PCLO: variants seen among roughly 807,000 people sequenced by gnomAD.
PCLO encodes protein piccolo.
PCLO carries 82 observed loss-of-function variants against 427.5 expected under a neutral mutation model. That is an observed-to-expected ratio of 0.19 (90% CI 0.16 to 0.23). The LOEUF (loss-of-function observed/expected upper bound fraction) is 0.23. PCLO is among the 10% of genes least tolerant of loss of function. The pLI, the probability that PCLO is intolerant of heterozygous loss-of-function variation, is 1.00. For missense variants in PCLO, 6,239 were observed against 6,115.9 expected (o/e 1.02, Z -0.67); for synonymous variants, 2,357 against 2,155.4 (o/e 1.09, Z -2.59).
intron 3 of PCLO, among the ~76,000 whole-genome samples, chr7:83,004,151 G>A (rs1367744682): frequency 6.6e-6 from 1 of 151,684 alleles, no homozygotes; most frequent in Non-Finnish European, 1.5e-5. Context: ...CACAGAAATG[G>A]AACAAAAATC....
At position 83,155,406 on chromosome 7, in the gene PCLO, G is replaced by T. The variant is rs751022912; in HGVS notation, c.1235C>A (p.Thr412Asn). The change falls in exon 2 of 25, where the codon ACC (threonine) becomes AAC (asparagine). Residue 412 changes from threonine (T) to asparagine (N), a missense_variant. This residue lies in a region of PCLO where 4,677 missense variants were observed against 4,468.4 expected (regional missense o/e 1.05). Transcript: ENST00000333891. Reference sequence around the variant, plus strand: ...GGGTTTTGGTGTCCCCACCTGCTGGGTTGGAGGCTTTGCTGGCCCTGGCTG... The same window carrying T: ...GGGTTTTGGTGTCCCCACCTGCTGGTTTGGAGGCTTTGCTGGCCCTGGCTG... The part of the protein sequence containing the change: ...AQQPGPAKPP[T>N]QQVGTPKPLA... The T allele has an allele frequency of 6.2e-7, 1 of 1,613,914 alleles. No homozygotes were observed. The highest frequency in any genetic ancestry group is 1.7e-5 in the Admixed American group (1 of 60,006).
chr7:82,897,597 C>T (rs1365846702), intron 9 of PCLO, among the ~76,000 whole-genome samples: 1 of 151,354 alleles, frequency 6.6e-6, no homozygotes, highest in Non-Finnish European at 1.5e-5. Flanking sequence ...TCAGGTCCTC[C>T]TACTAAATTG....
intron 15 of PCLO, among the ~76,000 whole-genome samples, chr7:82,837,241 T>C (rs1270078503): frequency 6.6e-6 from 1 of 152,046 alleles, no homozygotes; most frequent in African/African-American, 2.4e-5. Context: ...AGAAACATGA[T>C]TGGTCACTAA....
intron 3 of PCLO, among the ~76,000 whole-genome samples, chr7:83,107,825 C>T (rs75191258): frequency 0.017 from 2,500 of 151,000 alleles, 70 homozygotes; most frequent in African/African-American, 0.056. Context: ...CCCAAGTCTA[C>T]TAAAAACACG....
intron 6 of PCLO, among the ~76,000 whole-genome samples, chr7:82,931,972 A>G (rs1395591509): frequency 6.6e-6 from 1 of 152,150 alleles, no homozygotes; most frequent in Non-Finnish European, 1.5e-5. Flanking sequence ...GCAGAATCAA[A>G]GAGTACTCCT....
chr7:82,943,493 ATACTT>A (rs2116391556), intron 6 of PCLO, among the ~76,000 whole-genome samples: 1 of 151,600 alleles, frequency 6.6e-6, no homozygotes, highest in South Asian at 2.1e-4. Context: ...GAAAACTCTT[ATACTT>A]TAAGATACAT....
intron 7 of PCLO, among the ~76,000 whole-genome samples, chr7:82,912,956 A>G (rs1794358613): frequency 6.6e-6 from 1 of 151,988 alleles, no homozygotes; most frequent in Non-Finnish European, 1.5e-5. Flanking sequence ...GTTATTTTAT[A>G]GACATGACTA....
chr7:83,102,141 T>C (rs971029620), intron 3 of PCLO, among the ~76,000 whole-genome samples: 1 of 151,904 alleles, frequency 6.6e-6, no homozygotes, highest in Non-Finnish European at 1.5e-5. Context: ...CAAATTCATT[T>C]AGTAAATATC....
intron 4 of PCLO, among the ~76,000 whole-genome samples, chr7:82,957,891 T>C (rs1378142494): frequency 1.3e-5 from 2 of 152,218 alleles, no homozygotes; most frequent in Non-Finnish European, 2.9e-5. Context: ...CTTGAACTTG[T>C]TGCCTTTCTT....
At chr7:82,804,429 T>G (rs1791418621) in intron 21 of PCLO, among the ~76,000 whole-genome samples, 1 of 152,320 alleles carries the variant, frequency 6.6e-6, no homozygotes, top group African/African-American at 2.4e-5. Flanking sequence ...TTTTATAAAC[T>G]GAACCATTAT....
At chr7:82,997,840 T>A (rs1430532886) in intron 3 of PCLO, among the ~76,000 whole-genome samples, 1 of 152,066 alleles carries the variant, frequency 6.6e-6, no homozygotes, top group South Asian at 2.1e-4. Context: ...CTATTTCTGT[T>A]ACATCCAAAA....
intron 3 of PCLO, among the ~76,000 whole-genome samples, chr7:83,127,447 A>T (rs913165222): frequency 3.9e-5 from 6 of 152,264 alleles, no homozygotes; most frequent in Admixed American, 6.5e-5. Flanking sequence ...AATAGATAAG[A>T]TATCACTTTC....
chr7:82,958,551 G>T (rs1322789925), intron 4 of PCLO, among the ~76,000 whole-genome samples: 1 of 152,114 alleles, frequency 6.6e-6, no homozygotes, highest in Non-Finnish European at 1.5e-5. Flanking sequence ...TGATTTTGCT[G>T]AATTTACAAT....
chr7:82,954,757 C>T lies in PCLO; in HGVS notation c.6196G>A (p.Glu2066Lys). The change falls in exon 5 of 25, where the codon GAA becomes AAA. Residue 2066 changes from glutamate (E) to lysine (K), a missense_variant. By Grantham distance (56) the Glu-to-Lys change is moderately conservative. Around this residue, in one of 5 missense-constraint regions of PCLO, gnomAD observed 4,677 missense variants for 4,468.4 expected, o/e 1.05. Coordinates refer to ENST00000333891, the MANE Select transcript of PCLO (RefSeq NM_033026.6). ...ATCTGTTGCCTCTTCATAAGTTCTT[C>T]ATAGGCAGCATCAGCATCTAGTAGT... is the stretch of plus-strand genomic sequence containing the variant. Reference protein sequence around the residue: ...RKLLDADAAYEELMKRQQMQL... With the variant: ...RKLLDADAAYKELMKRQQMQL... 6.2e-7 allele frequency: 1 copy of T among 1,613,820 alleles called. No homozygotes were observed.
At chr7:82,764,117 T>G (rs145221303) in intron 22 of PCLO, among the ~76,000 whole-genome samples, 1 of 151,848 alleles carries the variant, frequency 6.6e-6, no homozygotes, top group African/African-American at 2.4e-5. Flanking sequence ...TATGACAAAG[T>G]ATAAAGTATG....
intron 3 of PCLO, among the ~76,000 whole-genome samples, chr7:82,980,776 A>G (rs977219759): frequency 6.6e-6 from 1 of 152,108 alleles, no homozygotes; most frequent in Non-Finnish European, 1.5e-5. Context: ...TGCCAAGAAA[A>G]AAAATGTCCT....
chr7:83,117,795 T>C (rs1791171329), intron 3 of PCLO, among the ~76,000 whole-genome samples: 2 of 152,214 alleles, frequency 1.3e-5, no homozygotes, highest in Admixed American at 6.5e-5. Context: ...TGTCTACAGT[T>C]GGATTCTCTG....
chr7:83,061,136 A>G (rs372038483), intron 3 of PCLO, among the ~76,000 whole-genome samples: 23 of 152,344 alleles, frequency 1.5e-4, no homozygotes, highest in African/African-American at 4.6e-4. Flanking sequence ...TAGGAACAAC[A>G]TAACTGAGTT....
At chr7:83,072,070 T>C (rs1431625719) in intron 3 of PCLO, among the ~76,000 whole-genome samples, 2 of 152,032 alleles carry the variant, frequency 1.3e-5, no homozygotes, top group Non-Finnish European at 2.9e-5. Context: ...TAGCTTAATG[T>C]AAATTGAAGA....
Sources: gnomAD v4.1 joint callset for allele counts (sites outside exome capture counted in the v4.1 genomes callset) on GRCh38, gnomAD v4.1.1 for gene constraint, gnomAD v4.1.1 regional missense constraint, MANE v1.5 for transcripts, NCBI Gene and HGNC (gene_info 2026-07-23, HGNC 2026-07-21) for gene names.